The following SULF2 variants were observed in gnomAD, a reference collection of about 807,000 sequenced individuals.
The protein encoded by SULF2 is extracellular sulfatase Sulf-2.
Under a neutral mutation model 107.7 loss-of-function variants are expected in SULF2, and 52 were observed. The observed-to-expected ratio is 0.48, with a 90% CI of 0.39 to 0.61. The LOEUF (loss-of-function observed/expected upper bound fraction) is 0.61, where lower values mean the gene tolerates loss of function less well. SULF2 is among the 20% of genes least tolerant of loss of function. The pLI is 0.00. For missense variants in SULF2, 993 were observed against 1,177.3 expected, an observed-to-expected ratio of 0.84 and a Z score of 2.29; for synonymous variants, 460 against 464.3, an observed-to-expected ratio of 0.99 and a Z score of 0.12.
intron 15 of SULF2, 50 bp downstream of exon 15, chr20:47,664,080 C>A (rs2087181916): frequency 6.3e-7 from 1 of 1,584,056 alleles, no homozygotes; most frequent in African/African-American, 1.3e-5. Context: ...AGGGCCACCT[C>A]CTCATGCAGG....
intron 3 of SULF2, among the ~76,000 whole-genome samples, chr20:47,728,925 C>T (rs994529108): frequency 6.6e-6 from 1 of 152,196 alleles, no homozygotes; most frequent in African/African-American, 2.4e-5. Flanking sequence ...GAATTACTGG[C>T]GTGAGCCACC....
intron 1 of SULF2, among the ~76,000 whole-genome samples, chr20:47,775,197 A>T (rs1252130838): frequency 2.6e-5 from 4 of 152,210 alleles, no homozygotes; most frequent in Non-Finnish European, 5.9e-5. Flanking sequence ...GGCAGAAGTG[A>T]TGCTGTGCCG....
chr20:47,756,798 A>G (rs941464944), intron 2 of SULF2, among the ~76,000 whole-genome samples: 8 of 152,130 alleles, frequency 5.3e-5, no homozygotes, highest in African/African-American at 1.9e-4. Flanking sequence ...GGTGTGCGCC[A>G]TCATGCCTGG....
chr20:47,781,085 C>A (rs2090824969), intron 1 of SULF2, among the ~76,000 whole-genome samples: 1 of 152,050 alleles, frequency 6.6e-6, no homozygotes, highest in African/African-American at 2.4e-5. Context: ...GGAGGTTAGA[C>A]AAACACTGCC....
chr20:47,677,138 G>C lies in SULF2; in HGVS notation c.1194-4C>G, dbSNP rs1474914005. The C allele has an allele frequency of 1.9e-6, 3 of 1,613,432 alleles. No individual in the cohort carries two copies. The African/African-American group carries it at 4.0e-5, about 22-fold the overall frequency. On this transcript the variant is annotated splice_region_variant and splice_polypyrimidine_tract_variant and intron_variant, in intron 8 of 20. Transcript: ENST00000688720. ...CATCTTCTTTTTCAAGTGAAACCTG[G>C]AAAAAAGCACGGCTCCTGCTTCTCA...
intron 1 of SULF2, among the ~76,000 whole-genome samples, chr20:47,783,777 A>G (rs781050375): frequency 1.5e-4 from 23 of 152,186 alleles, no homozygotes; most frequent in Non-Finnish European, 1.5e-4. Context: ...CAAAGGTCCA[A>G]CATGCCATCT....
intron 5 of SULF2, among the ~76,000 whole-genome samples, chr20:47,686,569 T>C (rs1429783152): frequency 1.3e-5 from 2 of 152,204 alleles, no homozygotes; most frequent in African/African-American, 2.4e-5. Context: ...GTGGGTGTTC[T>C]GGGGGCAAGG....
intron 2 of SULF2, among the ~76,000 whole-genome samples, chr20:47,741,248 C>A (rs1421495007): frequency 6.7e-6 from 1 of 149,596 alleles, no homozygotes; most frequent in Admixed American, 6.6e-5. Flanking sequence ...CCCTCCCTAA[C>A]CCCATCCCCC....
rs563236080 is a variant in SULF2, at chr20:47,658,998, A to C, written c.2582+401T>G. ...TTAGTCCCTGTCAGCCTCCAATGGC[A>C]CTGGAGTGAGAGTTTGTAGCATGGG... On this transcript the variant is annotated intron_variant, in intron 20 of 20. Coordinates refer to ENST00000688720, the MANE Select transcript of SULF2 (RefSeq NM_001387048.1). Among the ~76,000 whole-genome samples the C allele has an allele frequency of 2.6e-5, 4 of 152,320 alleles. No individual in the cohort carries two copies. The South Asian group carries it at 8.3e-4, about 32-fold the overall frequency.
intron 1 of SULF2, among the ~76,000 whole-genome samples, chr20:47,784,366 G>T (rs1012895866): frequency 2.0e-5 from 3 of 152,076 alleles, no homozygotes; most frequent in Non-Finnish European, 4.4e-5. Flanking sequence ...TTCCAGAAAG[G>T]GGGGCAGGGA....
At chr20:47,767,068 G>A (rs2090541988) in intron 1 of SULF2, among the ~76,000 whole-genome samples, 1 of 152,190 alleles carries the variant, frequency 6.6e-6, no homozygotes, top group African/African-American at 2.4e-5. Flanking sequence ...AACACGCTGA[G>A]TAGGAGGAGG....
intron 14 of SULF2, 143 bp from the exon 15 acceptor site, chr20:47,664,332 A>G: frequency 1.3e-6 from 1 of 780,692 alleles, no homozygotes; most frequent in South Asian, 1.6e-5. Flanking sequence ...TGGGTAGGGC[A>G]TGACCCTATC....
chr20:47,714,889 T>C (rs1450283726), intron 3 of SULF2, among the ~76,000 whole-genome samples: 1 of 152,134 alleles, frequency 6.6e-6, no homozygotes, highest in African/African-American at 2.4e-5. Context: ...CATGGGCTGC[T>C]TCCTCACCTT....
At chr20:47,732,349 T>G (rs896860952) in intron 3 of SULF2, among the ~76,000 whole-genome samples, 3 of 152,230 alleles carry the variant, frequency 2.0e-5, no homozygotes, top group African/African-American at 7.2e-5. Flanking sequence ...TCCAAGTTCA[T>G]GCAGGCAGAA....
At chr20:47,745,598 G>A (rs941724690) in intron 2 of SULF2, among the ~76,000 whole-genome samples, 1 of 151,320 alleles carries the variant, frequency 6.6e-6, no homozygotes, top group Admixed American at 6.6e-5. Context: ...GCACCATCTC[G>A]GTTCATTGCA....
In SULF2 at chr20:47,678,204, C is replaced by G. The variant is rs1473665856; in HGVS notation, c.1193+472G>C. ...TGAGTCAGCATCTGAATTCCCAGAG[C>G]TACATCCAGACTTGCTGGGATACCT... On this transcript the variant is annotated intron_variant, in intron 8 of 20. Transcript: ENST00000688720. The surrounding 1 kb of genome is among the most constrained non-coding windows in gnomAD (Gnocchi z 4.5). 1 of 156,100 alleles carries G rather than the reference C, an allele frequency of 6.4e-6. No homozygotes were observed. Among genetic ancestry groups the G allele is most frequent in the Non-Finnish European group, 1.4e-5 (1 of 70,462 alleles). 9.7% of individuals were successfully genotyped at this position (156,100 alleles called of 1,614,324 possible).
At chr20:47,735,012 A>C (rs1217219688) in intron 3 of SULF2, among the ~76,000 whole-genome samples, 2 of 152,204 alleles carry the variant, frequency 1.3e-5, no homozygotes, top group African/African-American at 4.8e-5. Context: ...GAGCCCTCAA[A>C]ATGGCACAGA....
At chr20:47,785,200 G>C (rs1336059773) in intron 1 of SULF2, 143 bp downstream of exon 1, 5 of 149,698 alleles carry the variant, frequency 3.3e-5, no homozygotes, top group Non-Finnish European at 1.5e-5. Context: ...GCTGGGGCTG[G>C]AGCCGGGCGG....
chr20:47,688,076 T>C (rs1455841143), intron 5 of SULF2, among the ~76,000 whole-genome samples: 1 of 152,008 alleles, frequency 6.6e-6, no homozygotes, highest in African/African-American at 2.4e-5. Flanking sequence ...GGGTGGATGG[T>C]ACCACCATCT....
Sources: gnomAD v4.1 joint callset for allele counts (sites outside exome capture counted in the v4.1 genomes callset) on GRCh38, gnomAD v4.1.1 for gene constraint, Gnocchi (gnomAD v3.1) non-coding constraint, MANE v1.5 for transcripts, NCBI Gene and HGNC (gene_info 2026-07-23, HGNC 2026-07-21) for gene names.